The following PRKCE variants were observed in gnomAD, a reference collection of about 807,000 sequenced individuals.
PRKCE encodes the protein protein kinase C epsilon type.
Under a neutral mutation model 85.4 loss-of-function variants are expected in PRKCE, and 16 were observed. The observed-to-expected ratio is 0.19, with a 90% CI of 0.13 to 0.28. PRKCE has a LOEUF of 0.28. Among genes scored for constraint, PRKCE ranks in the 10% least tolerant of loss-of-function variants. The probability of loss-of-function intolerance (pLI) is 1.00; values close to 1 mark genes in which losing one functional copy is unlikely to be tolerated. For missense variants in PRKCE, 573 were observed against 975.2 expected (o/e 0.59, Z 5.49); for synonymous variants, 388 against 371.5 (o/e 1.04, Z -0.51).
At chr2:45,698,413 C>T (rs889612698) in intron 1 of PRKCE, among the ~76,000 whole-genome samples, 8 of 151,932 alleles carry the variant, frequency 5.3e-5, no homozygotes, top group African/African-American at 9.7e-5. Context: ...TGTCCCCAGC[C>T]GGTGGGGACC....
intron 1 of PRKCE, among the ~76,000 whole-genome samples, chr2:45,671,643 G>A (rs547512234): frequency 2.6e-5 from 4 of 152,076 alleles, no homozygotes; most frequent in African/African-American, 4.8e-5. Flanking sequence ...TAGGGGAAAG[G>A]TTCGTAGACC....
intron 1 of PRKCE, among the ~76,000 whole-genome samples, chr2:45,744,412 C>CTT (rs748779743): frequency 2.7e-5 from 4 of 148,198 alleles, no homozygotes; most frequent in Non-Finnish European, 6.0e-5. Context: ...TCTTTCTTTT[C>CTT]TTTTCTTTCT....
At chr2:46,132,802 A>G (rs1441029507) in intron 11 of PRKCE, among the ~76,000 whole-genome samples, 1 of 152,204 alleles carries the variant, frequency 6.6e-6, no homozygotes, top group East Asian at 1.9e-4. Flanking sequence ...CAAATGTAAG[A>G]CTTCTTTTTT....
At chr2:46,153,177 T>C (rs556565667) in intron 13 of PRKCE, among the ~76,000 whole-genome samples, 1 of 152,344 alleles carries the variant, frequency 6.6e-6, no homozygotes, top group Admixed American at 6.5e-5. Flanking sequence ...TGGAATTATT[T>C]ATTATTTTTA....
intron 1 of PRKCE, among the ~76,000 whole-genome samples, chr2:45,762,661 G>A (rs902291665): frequency 1.3e-5 from 2 of 152,192 alleles, no homozygotes; most frequent in African/African-American, 2.4e-5. Flanking sequence ...ATCTAGAGTT[G>A]CATGGATAGC....
chr2:45,865,635 C>T (rs1445168649), intron 2 of PRKCE, among the ~76,000 whole-genome samples: 1 of 152,094 alleles, frequency 6.6e-6, no homozygotes, highest in Non-Finnish European at 1.5e-5. Flanking sequence ...AACAGAAGCT[C>T]CATCAGCATT....
chr2:45,890,487 C>T (rs1695642316), intron 2 of PRKCE, among the ~76,000 whole-genome samples: 1 of 152,094 alleles, frequency 6.6e-6, no homozygotes, highest in Admixed American at 6.5e-5. Context: ...TCAAGCAATT[C>T]TCGTGCCTCA....
intron 2 of PRKCE, among the ~76,000 whole-genome samples, chr2:45,896,121 G>T (rs1166022033): frequency 6.6e-6 from 1 of 152,308 alleles, no homozygotes; most frequent in East Asian, 1.9e-4. Context: ...GTGTTGCCTT[G>T]TCCGAGTCAG....
intron 9 of PRKCE, among the ~76,000 whole-genome samples, chr2:46,008,814 C>T (rs942659860): frequency 1.3e-5 from 2 of 152,144 alleles, no homozygotes; most frequent in African/African-American, 4.8e-5. Context: ...AGCAAGACTC[C>T]GAGATTCTAG....
rs1558623880 is a variant in PRKCE at position 45,744,489 on chromosome 2, T to TTTC, written c.348+92042_348+92043insTCT. 8.5e-5 allele frequency among the ~76,000 whole-genome samples: 4 copies of TTTC among 47,154 alleles called. 1 individual carries two copies. The highest frequency in any genetic ancestry group is 2.0e-4 in the African/African-American group (2 of 10,168). 30.9% of individuals were successfully genotyped at this position (47,154 alleles called of 152,430 possible). A position where few individuals can be genotyped will look rare whatever the true frequency, so the allele number is the denominator to read the frequency against. On this transcript the variant is annotated intron_variant, in intron 1 of 14. Coordinates refer to ENST00000306156, the MANE Select transcript of PRKCE (RefSeq NM_005400.3). Reference sequence around the variant, plus strand: ...TCTTTCTTTCTTTCTTTCTTTCTTTTTCTTTCTTTCTTTTCTTTCTTTCTT... The same window carrying TTTC: ...TCTTTCTTTCTTTCTTTCTTTCTTTTTTCTCTTTCTTTCTTTTCTTTCTTTCTT...
intron 1 of PRKCE, among the ~76,000 whole-genome samples, chr2:45,693,414 C>T (rs1262179262): frequency 6.6e-6 from 1 of 152,094 alleles, no homozygotes; most frequent in Admixed American, 6.5e-5. Context: ...TGGTTGGAAC[C>T]ATGGGGGTGG....
chr2:45,998,181 T>A (rs1704372147), intron 6 of PRKCE, among the ~76,000 whole-genome samples: 2 of 151,782 alleles, frequency 1.3e-5, no homozygotes, highest in Non-Finnish European at 2.9e-5. Context: ...ATGTTGCTGT[T>A]GATTCAGTTG....
rs111741698 is a variant in PRKCE, at chr2:45,872,947, G to A, written c.412+29884G>A. 7.5e-3 allele frequency among the ~76,000 whole-genome samples: 1,145 copies of A among 152,332 alleles called. 27 individuals are homozygous for A. The highest frequency in any genetic ancestry group is 0.026 in the African/African-American group (1,086 of 41,558). On this transcript the variant is annotated intron_variant, in intron 2 of 14. Transcript: ENST00000306156. ...AGGAGAGCATGACACCTGGGAGCTG[G>A]AAGGGTCCTTAGTGGCTGCCTGGCA...
chr2:45,836,059 A>G (rs1000768875), intron 1 of PRKCE, among the ~76,000 whole-genome samples: 10 of 152,228 alleles, frequency 6.6e-5, no homozygotes, highest in African/African-American at 1.2e-4. Context: ...CCAGTAAATC[A>G]TCTCCACAAC....
intron 11 of PRKCE, among the ~76,000 whole-genome samples, chr2:46,096,496 G>A (rs1426961904): frequency 6.6e-6 from 1 of 152,094 alleles, no homozygotes; most frequent in Non-Finnish European, 1.5e-5. Flanking sequence ...AGCAAAATGA[G>A]GTCATTGGGT....
At chr2:46,053,259 C>A (rs757100586) in intron 10 of PRKCE, among the ~76,000 whole-genome samples, 1 of 152,062 alleles carries the variant, frequency 6.6e-6, no homozygotes, top group Non-Finnish European at 1.5e-5. Context: ...CTAGAAAAAT[C>A]CCAGGAAAGT....
intron 2 of PRKCE, among the ~76,000 whole-genome samples, chr2:45,974,995 G>A (rs533293861): frequency 3.3e-5 from 5 of 152,282 alleles, no homozygotes; most frequent in African/African-American, 1.2e-4. Context: ...GAGAGCTTGG[G>A]GACTTTCTGT....
chr2:46,038,247 G>A (rs1423744329), intron 10 of PRKCE, among the ~76,000 whole-genome samples: 2 of 152,238 alleles, frequency 1.3e-5, no homozygotes, highest in Admixed American at 6.5e-5. Context: ...GGCAGCAAAC[G>A]CCACACTATT....
chr2:45,957,409 A>C (rs1415225528), intron 2 of PRKCE, among the ~76,000 whole-genome samples: 1 of 152,218 alleles, frequency 6.6e-6, no homozygotes, highest in African/African-American at 2.4e-5. Flanking sequence ...CTTTTTTGAA[A>C]ATCAATTGTA....
Sources: allele counts gnomAD v4.1 joint callset (sites outside exome capture counted in the v4.1 genomes callset), GRCh38; gene constraint gnomAD v4.1.1; transcripts MANE v1.5; gene names NCBI Gene and HGNC (gene_info 2026-07-23, HGNC 2026-07-21).